FAT4: variants seen among roughly 807,000 people sequenced by gnomAD.
The protein encoded by FAT4 is protocadherin Fat 4.
Under a neutral mutation model 303.9 loss-of-function variants are expected in FAT4, and 84 were observed. That is an observed-to-expected ratio of 0.28 (90% confidence interval 0.23 to 0.33). The LOEUF is 0.33. Ranked by LOEUF, FAT4 falls within the 10% of genes least tolerant of loss-of-function variation. The pLI is 1.00. For missense variants in FAT4, 6,005 were observed against 6,146.8 expected (o/e 0.98, Z 0.77); for synonymous variants, 2,307 against 2,298.8 (o/e 1.00, Z -0.10).
chr4:125,384,916 C>G (rs572026753), intron 2 of FAT4, among the ~76,000 whole-genome samples: 2 of 150,126 alleles, frequency 1.3e-5, no homozygotes, highest in East Asian at 3.9e-4. Flanking sequence ...TAACACTACT[C>G]AGTAACAAAA....
chr4:125,449,714 G>A lies in FAT4; in HGVS notation c.8704G>A (p.Asp2902Asn). The A allele has an allele frequency of 6.2e-7, 1 of 1,613,918 alleles. No individual in the cohort carries two copies. The highest frequency in any genetic ancestry group is 8.5e-7 in the Non-Finnish European group (1 of 1,179,892). Residue 2902 changes from aspartate (D) to asparagine (N), a missense_variant, in exon 10 of 18, where the codon GAT (aspartate) becomes AAT (asparagine). By Grantham distance (23) the Asp-to-Asn change is conservative. Transcript: ENST00000394329. The part of the protein sequence containing the change: ...KVTQVFATDP[D>N]EGSNGQVFYF... ...AACTCAGGTATTTGCAACAGATCCT[G>A]ATGAGGGATCAAATGGACAAGTGTT...
At chr4:125,428,321 A>G (rs1307879519) in intron 7 of FAT4, among the ~76,000 whole-genome samples, 50 of 152,236 alleles carry the variant, frequency 3.3e-4, no homozygotes, top group Non-Finnish European at 1.8e-4. Flanking sequence ...CTTATTTTAA[A>G]TTTTCTTGAA....
At chr4:125,476,650 CAGT>C (rs1402469169) in intron 13 of FAT4, among the ~76,000 whole-genome samples, 2 of 128,072 alleles carry the variant, frequency 1.6e-5, no homozygotes, top group Admixed American at 1.5e-4. Context: ...CTGAGCACAG[CAGT>C]AATCTACCAG....
chr4:125,424,649 A>C (rs1725026099), intron 7 of FAT4, among the ~76,000 whole-genome samples: 2 of 152,206 alleles, frequency 1.3e-5, no homozygotes, highest in Admixed American at 1.3e-4. Context: ...ACTCTACTCC[A>C]GATATTCTTC....
At position 125,491,423 on chromosome 4, in the gene FAT4, G is replaced by T; in HGVS notation, c.14607G>T (p.Met4869Ile). ...REKPMVYTSR[M>I]PKLSQVNESD... ...AGCCAATGGTATATACTTCCAGAAT[G>T]CCCAAATTATCTCAAGTCAATGAAT... Residue 4869 changes from methionine (M) to isoleucine (I), a missense_variant, in exon 18 of 18, where the codon ATG becomes ATT. By Grantham distance (10) the Met-to-Ile change is conservative. Coordinates refer to ENST00000394329, the MANE Select transcript of FAT4 (RefSeq NM_001291303.3). 6.2e-7 allele frequency: 1 copy of T among 1,614,094 alleles called. No homozygotes were observed. Among genetic ancestry groups the T allele is most frequent in the South Asian group, 1.1e-5 (1 of 91,088 alleles).
intron 12 of FAT4, among the ~76,000 whole-genome samples, chr4:125,471,325 A>C (rs1165992186): frequency 2.6e-5 from 4 of 152,248 alleles, no homozygotes; most frequent in African/African-American, 9.6e-5. Context: ...CTGTTGGAAA[A>C]ATGGTGCTGA....
chr4:125,432,744 A>G (rs997090240), intron 7 of FAT4, among the ~76,000 whole-genome samples: 7 of 152,008 alleles, frequency 4.6e-5, no homozygotes, highest in African/African-American at 1.7e-4. Context: ...AAATTTTTAG[A>G]TATTTCTTAG....
chr4:125,491,404 T>C lies in FAT4; in HGVS notation c.14588T>C (p.Met4863Thr). ...ATGGAATATGACAGGGAGAAGCCAATGGTATATACTTCCAGAATGCCCAAA... is the reference window on the plus strand; with the variant it reads ...ATGGAATATGACAGGGAGAAGCCAACGGTATATACTTCCAGAATGCCCAAA... Reference protein sequence around the residue: ...SEMEYDREKPMVYTSRMPKLS... With the variant: ...SEMEYDREKPTVYTSRMPKLS... The change falls in exon 18 of 18, where the codon ATG becomes ACG. Residue 4863 changes from methionine to threonine, a missense_variant. Met to Thr is a moderately conservative substitution (Grantham distance 81, BLOSUM62 -1). Transcript: ENST00000394329. 1 of 1,614,094 alleles carries C rather than the reference T, an allele frequency of 6.2e-7. No individual in the cohort carries two copies. Among genetic ancestry groups the C allele is most frequent in the Non-Finnish European group, 8.5e-7 (1 of 1,179,978 alleles).
intron 2 of FAT4, among the ~76,000 whole-genome samples, chr4:125,344,866 C>A (rs899380459): frequency 6.6e-6 from 1 of 152,078 alleles, no homozygotes; most frequent in African/African-American, 2.4e-5. Flanking sequence ...GTATTTCTCA[C>A]TCATCCCTGG....
intron 12 of FAT4, among the ~76,000 whole-genome samples, chr4:125,470,365 C>T (rs2126077756): frequency 6.6e-6 from 1 of 152,294 alleles, no homozygotes; most frequent in African/African-American, 2.4e-5. Context: ...AGAGAGTCAG[C>T]CTATCCTTTG....
rs188063734 is a variant in FAT4 at position 125,364,947 on chromosome 4, G to A, written c.5176-33837G>A. 2.7e-3 allele frequency among the ~76,000 whole-genome samples: 408 copies of A among 152,252 alleles called. 1 individual carries two copies. The highest frequency in any genetic ancestry group is 0.017 in the Middle Eastern group (5 of 294). On this transcript the variant is annotated intron_variant, in intron 2 of 17. Transcript: ENST00000394329. ...AACAGTTAGAGGTTGGGGGCATTGC[G>A]GATTTAGAAATTGAGCATGGAGAAC...
rs758147582 is a variant in FAT4, at chr4:125,318,640, G to T, written c.2229G>T (p.Gly743=). The change falls in exon 2 of 18, where the codon GGG becomes GGT. Residue 743 remains glycine, a synonymous_variant. Transcript: ENST00000394329. ...GGTTTCAGGTCAATGCTCAGAGTGGGGTTATTTCTACAAGAATGGCCCTAG... is the reference window on the plus strand; with the variant it reads ...GGTTTCAGGTCAATGCTCAGAGTGGTGTTATTTCTACAAGAATGGCCCTAG... ...RSRFQVNAQS[G]VISTRMALDR... The T allele has an allele frequency of 4.3e-6, 7 of 1,614,038 alleles. No individual in the cohort carries two copies. The highest frequency in any genetic ancestry group is 5.9e-6 in the Non-Finnish European group (7 of 1,180,024).
At chr4:125,426,336 T>C (rs1016231050) in intron 7 of FAT4, among the ~76,000 whole-genome samples, 1 of 152,084 alleles carries the variant, frequency 6.6e-6, no homozygotes, top group African/African-American at 2.4e-5. Context: ...CCAATAATTC[T>C]ATAAATCAAA....
intron 7 of FAT4, among the ~76,000 whole-genome samples, chr4:125,416,970 T>C (rs1447161041): frequency 2.6e-5 from 4 of 152,102 alleles, no homozygotes; most frequent in African/African-American, 9.7e-5. Context: ...AATTAAATAA[T>C]AATAATTTCT....
chr4:125,394,148 G>T, intron 2 of FAT4: 2 of 523,300 alleles, frequency 3.8e-6, no homozygotes, highest in South Asian at 2.9e-5. Flanking sequence ...TTATCTTAAC[G>T]GGATCATGAA....
At chr4:125,488,905 A>G (rs1050801512) in intron 17 of FAT4, among the ~76,000 whole-genome samples, 5 of 152,194 alleles carry the variant, frequency 3.3e-5, no homozygotes, top group Non-Finnish European at 7.3e-5. Flanking sequence ...ATGGTTATGT[A>G]GAGGAGAATA....
chr4:125,447,084 C>A (rs974699176), intron 9 of FAT4, among the ~76,000 whole-genome samples: 4 of 151,946 alleles, frequency 2.6e-5, no homozygotes, highest in Non-Finnish European at 5.9e-5. Context: ...GAAAACTGTT[C>A]TGTTAGCAAG....
intron 2 of FAT4, among the ~76,000 whole-genome samples, chr4:125,338,928 C>T (rs1321057808): frequency 3.9e-5 from 6 of 151,944 alleles, no homozygotes; most frequent in African/African-American, 1.5e-4. Flanking sequence ...AGCATGTGGA[C>T]CTTGGGCCTC....
chr4:125,327,573 T>C lies in FAT4; in HGVS notation c.5175+5987T>C, dbSNP rs1362660847. Among the ~76,000 whole-genome samples the C allele has an allele frequency of 5.3e-5, 8 of 152,146 alleles. No homozygotes were observed. The East Asian group carries it at 1.5e-3, about 29-fold the overall frequency. ...GGGCTTTATAAATTTTTAAGATGGG[T>C]ACAAATGTGTATGACAAACAGGATT... On this transcript the variant is annotated intron_variant, in intron 2 of 17. Coordinates refer to ENST00000394329, the MANE Select transcript of FAT4 (RefSeq NM_001291303.3).
Sources: gnomAD v4.1 joint callset for allele counts (sites outside exome capture counted in the v4.1 genomes callset) on GRCh38, gnomAD v4.1.1 for gene constraint, MANE v1.5 for transcripts, NCBI Gene and HGNC (gene_info 2026-07-23, HGNC 2026-07-21) for gene names.